OSBPL5: variants seen among roughly 807,000 people sequenced by gnomAD.
OSBPL5 encodes oxysterol-binding protein-related protein 5.
A neutral mutation model predicts 111.2 loss-of-function variants in OSBPL5; 71 were observed. The ratio of observed to expected loss-of-function variants is 0.64; its 90% CI spans 0.53 to 0.78. The LOEUF (loss-of-function observed/expected upper bound fraction) is 0.78. Among genes scored for constraint, OSBPL5 ranks in the 30% least tolerant of loss-of-function variants. The pLI, the probability that OSBPL5 is intolerant of heterozygous loss-of-function variation, is 0.00. For missense variants in OSBPL5, 1,210 were observed against 1,189.3 expected (o/e 1.02, Z -0.26); for synonymous variants, 549 against 513.9 (o/e 1.07, Z -0.93).
Position 3,141,955 on chromosome 11 carries a change from C to G in OSBPL5, c.-21-12786G>C, listed in dbSNP as rs780821796. On this transcript the variant is annotated intron_variant, in intron 1 of 21. Transcript: ENST00000263650. This position sits in a 1 kb window ranked among gnomAD's most constrained non-coding sequence, Gnocchi z 6.5. ...TGAGACGGAGTCTCGCTCTGTTGCC[C>G]AGACTGGAGTACAATGGCACGATCT... is the stretch of plus-strand genomic sequence containing the variant. 1.3e-5 allele frequency among the ~76,000 whole-genome samples: 2 copies of G among 152,198 alleles called. No individual in the cohort carries two copies. The highest frequency in any genetic ancestry group is 2.9e-5 in the Non-Finnish European group (2 of 68,032).
Position 3,129,123 on chromosome 11 carries a change from C to T in OSBPL5, c.26G>A (p.Arg9His), listed in dbSNP as rs534210917. 38 of 1,491,666 alleles carry T rather than the reference C, an allele frequency of 2.5e-5. No homozygotes were observed. Among genetic ancestry groups the T allele is most frequent in the South Asian group, 6.5e-5 (5 of 76,756 alleles). The allele number at this position is 1,491,666 out of a possible 1,614,324, so 92.4% of individuals were successfully genotyped here. The change falls in exon 2 of 22, where the codon CGC becomes CAC. Residue 9 changes from arginine (R) to histidine (H), a missense_variant. Coordinates refer to ENST00000263650, the MANE Select transcript of OSBPL5 (RefSeq NM_020896.4). Reference sequence around the variant, plus strand: ...GGAAGGTGGACACAGGGAGAAGCGGCGCCGGAGGAAGGCCTCCTCCTTCAT... The same window carrying T: ...GGAAGGTGGACACAGGGAGAAGCGGTGCCGGAGGAAGGCCTCCTCCTTCAT... MKEEAFLR[R>H]RFSLCPPSST...
At chr11:3,111,978 T>TGC (rs993973118) in intron 7 of OSBPL5, among the ~76,000 whole-genome samples, 15 of 134,048 alleles carry the variant, frequency 1.1e-4, no homozygotes, top group Non-Finnish European at 2.4e-4. Flanking sequence ...TGCATATGTG[T>TGC]GCGCGCATGT....
At chr11:3,148,502 G>T (rs1238941821) in intron 1 of OSBPL5, among the ~76,000 whole-genome samples, 2 of 152,258 alleles carry the variant, frequency 1.3e-5, no homozygotes, top group Non-Finnish European at 2.9e-5. Context: ...GAACGGAGGT[G>T]AGTGCGGAGT....
rs552561129 is a variant in OSBPL5, at chr11:3,129,383, C to T, written c.-21-214G>A. On this transcript the variant is annotated intron_variant, in intron 1 of 21. Coordinates refer to ENST00000263650, the MANE Select transcript of OSBPL5 (RefSeq NM_020896.4). ...CTTTGGCTGGTGCCAGCCCTTTCCA[C>T]GCCGGGCAGTAGGGCTGGACGGAGC... The T allele has an allele frequency of 9.3e-4, 357 of 384,510 alleles. 1 individual carries two copies. The highest frequency in any genetic ancestry group is 1.9e-3 in the Admixed American group (41 of 22,102). 23.8% of individuals were successfully genotyped at this position (384,510 alleles called of 1,614,324 possible).
intron 1 of OSBPL5, among the ~76,000 whole-genome samples, chr11:3,137,106 A>G (rs1281607989): frequency 1.3e-5 from 2 of 152,242 alleles, no homozygotes; most frequent in East Asian, 3.8e-4. Context: ...GAAACTTGCT[A>G]AGGTCAATGC....
At chr11:3,134,289 T>C (rs1845891805) in intron 1 of OSBPL5, among the ~76,000 whole-genome samples, 1 of 152,222 alleles carries the variant, frequency 6.6e-6, no homozygotes, top group Non-Finnish European at 1.5e-5. Context: ...TTTGCCACTG[T>C]AGCCATCCGC....
chr11:3,090,431 G>C, intron 20 of OSBPL5, 127 bp downstream of exon 20: 6 of 1,345,194 alleles, frequency 4.5e-6, no homozygotes, highest in Non-Finnish European at 5.1e-6. Flanking sequence ...CAGGGCAGCA[G>C]AGGAGCTTTT....
In OSBPL5 at chr11:3,106,675, C is replaced by T. The variant is rs1857705836; in HGVS notation, c.1059+588G>A. The stretch of plus-strand genomic sequence containing the variant: ...TCTTCTTGGAACGCCATCCTCCCTC[C>T]CGTCACTCACGTCTTCAGAAAGAGC... On this transcript the variant is annotated intron_variant, in intron 9 of 21. Transcript: ENST00000263650. This position sits in a 1 kb window ranked among gnomAD's most constrained non-coding sequence, Gnocchi z 8.4. Among the ~76,000 whole-genome samples the T allele has an allele frequency of 6.6e-6, 1 of 152,220 alleles. No homozygotes were observed. The highest frequency in any genetic ancestry group is 2.4e-5 in the African/African-American group (1 of 41,454).
chr11:3,149,745 C>T (rs1020394396), intron 1 of OSBPL5, among the ~76,000 whole-genome samples: 1 of 152,242 alleles, frequency 6.6e-6, no homozygotes, highest in African/African-American at 2.4e-5. Flanking sequence ...ATCAAACGAC[C>T]CCCCCGTCAC....
intron 14 of OSBPL5, among the ~76,000 whole-genome samples, chr11:3,099,686 C>T (rs568313059): frequency 2.8e-4 from 42 of 152,264 alleles, no homozygotes; most frequent in African/African-American, 9.6e-4. Context: ...CTGATCATCC[C>T]CAACAGCAAT....
At chr11:3,125,554 C>T (rs1314635830) in intron 3 of OSBPL5, among the ~76,000 whole-genome samples, 1 of 152,206 alleles carries the variant, frequency 6.6e-6, no homozygotes, top group African/African-American at 2.4e-5. Context: ...GCCTGTAATC[C>T]CAGCACTTTG....
chr11:3,128,999 C>A lies in OSBPL5; in HGVS notation c.136+14G>T, dbSNP rs753638601. 6.5e-7 allele frequency: 1 copy of A among 1,527,902 alleles called. No homozygotes were observed. Among genetic ancestry groups the A allele is most frequent in the South Asian group, 1.2e-5 (1 of 80,344 alleles). 94.6% of individuals were successfully genotyped at this position (1,527,902 alleles called of 1,614,324 possible). A position where few individuals can be genotyped will look rare whatever the true frequency, so the allele number is the denominator to read the frequency against. ...GCTGAGGGCCAGGTTGCCCTGCCCA[C>A]GGCCGGCACTTACCTGGGCTGAGTG... On this transcript the variant is annotated intron_variant, in intron 2 of 21. Transcript: ENST00000263650.
rs968742877 is a variant in OSBPL5 at position 3,140,233 on chromosome 11, G to A, written c.-21-11064C>T. 6.6e-6 allele frequency among the ~76,000 whole-genome samples: 1 copy of A among 152,216 alleles called. No homozygotes were observed. The highest frequency in any genetic ancestry group is 6.5e-5 in the Admixed American group (1 of 15,286). ...ATTGCAGTGGTGTCTCCCTGGCCAG[G>A]CTGCTGAGTTCAGCTCTGGAAGGGG... On this transcript the variant is annotated intron_variant, in intron 1 of 21. Transcript: ENST00000263650. The surrounding 1 kb of genome is among the most constrained non-coding windows in gnomAD (Gnocchi z 4.5).
chr11:3,094,267 G>C lies in OSBPL5; in HGVS notation c.1689C>G (p.Asn563Lys). 1 of 1,613,670 alleles carries C rather than the reference G, an allele frequency of 6.2e-7. No individual in the cohort carries two copies. The highest frequency in any genetic ancestry group is 8.5e-7 in the Non-Finnish European group (1 of 1,179,980). The stretch of plus-strand genomic sequence containing the variant: ...GTTTGAATTCCAGCTGGGCCTGGAA[G>C]TTGTTCTTCGCACACTCGATGGTGA... ...GKVTIECAKN[N>K]FQAQLEFKLK... The change falls in exon 15 of 22, where the codon AAC becomes AAG. Residue 563 changes from asparagine (N) to lysine (K), a missense_variant. Asn to Lys is a moderately conservative substitution (Grantham distance 94, BLOSUM62 0). Coordinates refer to ENST00000263650, the MANE Select transcript of OSBPL5 (RefSeq NM_020896.4).
chr11:3,132,023 A>ATCCC (rs1845829071), intron 1 of OSBPL5, among the ~76,000 whole-genome samples: 1 of 111,432 alleles, frequency 9.0e-6, no homozygotes, highest in African/African-American at 3.5e-5. Context: ...CCATCCATCC[A>ATCCC]TCCATCCATC....
rs374656353 is a variant in OSBPL5, at chr11:3,107,882, G to T, written c.755C>A (p.Thr252Asn). The change falls in exon 8 of 22, where the codon ACC (threonine) becomes AAC (asparagine). Residue 252 changes from threonine to asparagine, a missense_variant. Thr to Asn is a moderately conservative substitution (Grantham distance 65, BLOSUM62 0). Coordinates refer to ENST00000263650, the MANE Select transcript of OSBPL5 (RefSeq NM_020896.4). The surrounding 1 kb of genome is among the most constrained non-coding windows in gnomAD (Gnocchi z 6.1). ...LRCSSLLRLG[T>N]CKPGRDGEPG... ...CTCCCCGTCTCGGCCCGGCTTGCAG[G>T]TGCCCAGTCTCAGTAGGCTAGAGCA... The T allele has an allele frequency of 1.2e-6, 2 of 1,606,702 alleles. No homozygotes were observed. Among genetic ancestry groups the T allele is most frequent in the Admixed American group, 1.7e-5 (1 of 59,982 alleles).
At chr11:3,147,403 G>A (rs180795166) in intron 1 of OSBPL5, among the ~76,000 whole-genome samples, 67 of 152,376 alleles carry the variant, frequency 4.4e-4, no homozygotes, top group Non-Finnish European at 8.4e-4. Flanking sequence ...CGGGACAGCC[G>A]CAGCCGAGGC....
intron 1 of OSBPL5, among the ~76,000 whole-genome samples, chr11:3,164,875 T>G (rs1273081720): frequency 1.3e-5 from 2 of 151,996 alleles, no homozygotes; most frequent in Non-Finnish European, 2.9e-5. Context: ...CGGTCCCGGC[T>G]CCTTTAAGCC....
At chr11:3,101,742 G>A in intron 12 of OSBPL5, 43 bp from the exon 13 acceptor site, 1 of 1,524,252 alleles carries the variant, frequency 6.6e-7, no homozygotes, top group South Asian at 1.1e-5. Flanking sequence ...CCGGAAACAG[G>A]TAATCCCAGG....
Sources: allele counts gnomAD v4.1 joint callset (sites outside exome capture counted in the v4.1 genomes callset), GRCh38; gene constraint gnomAD v4.1.1; non-coding constraint Gnocchi (gnomAD v3.1); transcripts MANE v1.5; gene names NCBI Gene and HGNC (gene_info 2026-07-23, HGNC 2026-07-21).